The following NGFR variants were observed in gnomAD, a reference collection of about 807,000 sequenced individuals.
NGFR encodes tumor necrosis factor receptor superfamily member 16.
In NGFR, 30 loss-of-function variants were observed where a neutral mutation model predicts 43.2. That is an observed-to-expected ratio of 0.69 (90% CI 0.52 to 0.94). The LOEUF is 0.94. Among genes scored for constraint, NGFR ranks in the 40% least tolerant of loss-of-function variants. The pLI is 0.00. For missense variants in NGFR, 529 were observed against 602.5 expected (o/e 0.88, Z 1.28); for synonymous variants, 246 against 259.6 (o/e 0.95, Z 0.50).
Position 49,508,895 on chromosome 17 carries a change from C to T in NGFR, c.569-1517C>T, listed in dbSNP as rs1232589650. The stretch of plus-strand genomic sequence containing the variant: ...GTGATGGTCTCATTCATTGGGCACC[C>T]GGACATGTACACTCCTTCACCCTCT... On this transcript the variant is annotated intron_variant, in intron 3 of 5. Coordinates refer to ENST00000172229, the MANE Select transcript of NGFR (RefSeq NM_002507.4). Among the ~76,000 whole-genome samples, 9 of 152,184 alleles carry T rather than the reference C, an allele frequency of 5.9e-5. No individual in the cohort carries two copies. The South Asian group carries it at 8.3e-4, about 14-fold the overall frequency.
intron 1 of NGFR, among the ~76,000 whole-genome samples, chr17:49,499,400 C>T (rs543961077): frequency 1.3e-5 from 2 of 152,104 alleles, no homozygotes; most frequent in South Asian, 2.1e-4. Context: ...ACCTTATTTA[C>T]TTGTGTAATA....
At chr17:49,501,999 A>AAGCCCCCCCCCCCCCCCCCCCACCC in intron 1 of NGFR, 64 bp from the exon 2 acceptor site, 1 of 330,984 alleles carries the variant, frequency 3.0e-6, no homozygotes, top group Non-Finnish European at 5.9e-6. Context: ...TCCCCGGAAG[A>AAGCCCCCCCCCCCCCCCCCCCACCC]ACCCCCCCCA....
chr17:49,496,648 C>T (rs2071139930), intron 1 of NGFR: 1 of 152,200 alleles, frequency 6.6e-6, no homozygotes, highest in African/African-American at 2.4e-5. Flanking sequence ...GCGCCGCTCC[C>T]CACCTAGCTG....
At chr17:49,506,789 C>G (rs2071202467) in intron 3 of NGFR, 131 bp downstream of exon 3, 5 of 811,180 alleles carry the variant, frequency 6.2e-6, no homozygotes, top group African/African-American at 1.7e-5. Flanking sequence ...CTTGAGGCAG[C>G]GTGCACCTTC....
intron 1 of NGFR, 64 bp from the exon 2 acceptor site, chr17:49,501,999 A>AGCGGCCCCCCCCCCCC: frequency 6.0e-6 from 2 of 330,984 alleles, no homozygotes; most frequent in Non-Finnish European, 5.9e-6. Flanking sequence ...TCCCCGGAAG[A>AGCGGCCCCCCCCCCCC]ACCCCCCCCA....
At position 49,512,237 on chromosome 17, in the gene NGFR, T is replaced by A. The variant is rs550139650; in HGVS notation, c.982+185T>A. 6.6e-6 allele frequency among the ~76,000 whole-genome samples: 1 copy of A among 152,124 alleles called. No individual in the cohort carries two copies. The highest frequency in any genetic ancestry group is 6.5e-5 in the Admixed American group (1 of 15,284). On this transcript the variant is annotated intron_variant, in intron 5 of 5. Coordinates refer to ENST00000172229, the MANE Select transcript of NGFR (RefSeq NM_002507.4). The surrounding 1 kb of genome is among the most constrained non-coding windows in gnomAD (Gnocchi z 5.2). ...AGAGGTCCTCTCTAGAGGAACGACT[T>A]GGGAAATGGAGGCTTTTACAAGTTG...
At chr17:49,506,679 GGGGGGAGT>G in intron 3 of NGFR, 21 bp downstream of exon 3, 2 of 1,170,904 alleles carry the variant, frequency 1.7e-6, no homozygotes, top group Non-Finnish European at 2.3e-6. Flanking sequence ...TTCGGGGGGC[GGGGGGAGT>G]GGGGGTGCGG....
intron 1 of NGFR, chr17:49,496,722 G>C (rs1323948864): frequency 6.6e-6 from 1 of 152,242 alleles, no homozygotes; most frequent in Non-Finnish European, 1.5e-5. Context: ...GTCGGGATCC[G>C]GTCTGAGCCT....
In NGFR at chr17:49,513,103, G is replaced by T; in HGVS notation, c.*94G>T. The T allele has an allele frequency of 7.5e-7, 1 of 1,332,578 alleles. No homozygotes were observed. The highest frequency in any genetic ancestry group is 1.5e-5 in the South Asian group (1 of 65,584). 82.5% of individuals were successfully genotyped at this position (1,332,578 alleles called of 1,614,324 possible). On this transcript the variant is annotated 3_prime_UTR_variant, in exon 6 of 6. Transcript: ENST00000172229. ...CCCGCACCCCCACCCTTTGGGGGGG[G>T]CCCGCCTGGCAGAACTGAGCTCCTC... is the stretch of plus-strand genomic sequence containing the variant.
Position 49,506,370 on chromosome 17 carries a change from A to C in NGFR, c.280A>C (p.Ser94Arg). 2 of 1,599,048 alleles carry C rather than the reference A, an allele frequency of 1.3e-6. No homozygotes were observed. Among genetic ancestry groups the C allele is most frequent in the Non-Finnish European group, 1.7e-6 (2 of 1,175,904 alleles). The change falls in exon 3 of 6, where the codon AGC (serine) becomes CGC (arginine). Residue 94 changes from serine (S) to arginine (R), a missense_variant. Ser to Arg is a moderately radical substitution (Grantham distance 110). Transcript: ENST00000172229. ...KPCTECVGLQSMSAPCVEADD... is the reference protein window; with the variant it reads ...KPCTECVGLQRMSAPCVEADD... ...GTGCACCGAGTGCGTGGGGCTCCAGAGCATGTCGGCGCCGTGCGTGGAGGC... is the reference window on the plus strand; with the variant it reads ...GTGCACCGAGTGCGTGGGGCTCCAGCGCATGTCGGCGCCGTGCGTGGAGGC...
intron 1 of NGFR, among the ~76,000 whole-genome samples, chr17:49,499,763 A>C (rs1468084858): frequency 6.6e-6 from 1 of 151,836 alleles, no homozygotes; most frequent in African/African-American, 2.4e-5. Flanking sequence ...AATATTTTGT[A>C]TTTTTAGTAG....
chr17:49,495,298 G>C lies in NGFR; in HGVS notation c.-120G>C, dbSNP rs1430108993. The C allele has an allele frequency of 3.6e-6, 3 of 825,900 alleles. No homozygotes were observed. The highest frequency in any genetic ancestry group is 4.4e-5 in the Admixed American group (1 of 22,656). 51.2% of individuals were successfully genotyped at this position (825,900 alleles called of 1,614,324 possible). On this transcript the variant is annotated 5_prime_UTR_variant, in exon 1 of 6. Coordinates refer to ENST00000172229, the MANE Select transcript of NGFR (RefSeq NM_002507.4). The surrounding 1 kb of genome is among the most constrained non-coding windows in gnomAD (Gnocchi z 6.4). ...AGCCTCTCCCGCCCGCAGCCAGAGC[G>C]AGCCGAGCCGCGGCCAGCTCCGGCG...
intron 3 of NGFR, among the ~76,000 whole-genome samples, chr17:49,508,553 G>A (rs962038857): frequency 2.0e-5 from 3 of 152,074 alleles, no homozygotes; most frequent in Non-Finnish European, 4.4e-5. Context: ...TACTTTCCCC[G>A]CATTTACTTA....
At chr17:49,501,939 T>A (rs772804610) in intron 1 of NGFR, 124 bp from the exon 2 acceptor site, 109 of 989,132 alleles carry the variant, frequency 1.1e-4, no homozygotes, top group Non-Finnish European at 1.4e-4. Context: ...GGTGAGCTCA[T>A]CCCAGCCCAG....
Position 49,513,052 on chromosome 17 carries a change from C to G in NGFR, c.*43C>G, listed in dbSNP as rs1307859197. ...CCGCCCCGCCCCACATTCCGACAAC[C>G]GATGCTCCAGCCAACCCCTGTGGAG... On this transcript the variant is annotated 3_prime_UTR_variant, in exon 6 of 6. Coordinates refer to ENST00000172229, the MANE Select transcript of NGFR (RefSeq NM_002507.4). 5.5e-6 allele frequency: 8 copies of G among 1,464,478 alleles called. No homozygotes were observed. Among genetic ancestry groups the G allele is most frequent in the Non-Finnish European group, 6.3e-6 (7 of 1,108,212 alleles). The allele number at this position is 1,464,478 out of a possible 1,614,324, so 90.7% of individuals were successfully genotyped here.
chr17:49,502,001 C>CGGGGG, intron 1 of NGFR, 62 bp from the exon 2 acceptor site: 1 of 221,818 alleles, frequency 4.5e-6, no homozygotes, highest in Non-Finnish European at 9.2e-6. Context: ...CCCGGAAGAA[C>CGGGGG]CCCCCCCAAC....
chr17:49,512,998 TC>T lies in NGFR; in HGVS notation c.1277del (p.Pro426ArgfsTer40). Reference sequence around the variant, plus strand: ...TCTGTGCAGTGAGTCCACTGCCACATCCCCGGTGTGAGCCCAACCGGGGAGC... The same window carrying T: ...TCTGTGCAGTGAGTCCACTGCCACATCCCGGTGTGAGCCCAACCGGGGAGC... ...ESLCSESTAT[S>X]PV On this transcript the variant is annotated frameshift_variant, in exon 6 of 6. Transcript: ENST00000172229. LOFTEE classifies it high-confidence loss of function. This position sits in a 1 kb window ranked among gnomAD's most constrained non-coding sequence, Gnocchi z 5.2. The T allele has an allele frequency of 1.3e-6, 2 of 1,566,222 alleles. No individual in the cohort carries two copies. The highest frequency in any genetic ancestry group is 2.7e-5 in the African/African-American group (2 of 74,092).
intron 3 of NGFR, 66 bp downstream of exon 3, chr17:49,506,724 C>T (rs972275112): frequency 3.8e-5 from 51 of 1,345,888 alleles, no homozygotes; most frequent in Non-Finnish European, 4.7e-5. Context: ...TAAGGAAGGG[C>T]GCTCTCTGGA....
chr17:49,501,949 G>C (rs2071168738), intron 1 of NGFR, 114 bp from the exon 2 acceptor site: 2 of 1,098,188 alleles, frequency 1.8e-6, no homozygotes, highest in African/African-American at 1.5e-5. Context: ...TCCCAGCCCA[G>C]GTGGTTCTAA....
Sources: allele counts gnomAD v4.1 joint callset (sites outside exome capture counted in the v4.1 genomes callset), GRCh38; gene constraint gnomAD v4.1.1; non-coding constraint Gnocchi (gnomAD v3.1); transcripts MANE v1.5; gene names NCBI Gene and HGNC (gene_info 2026-07-23, HGNC 2026-07-21).